Variants in PRH1 observed in about 807,000 individuals in gnomAD.
The protein encoded by PRH1 is proline rich protein HaeIII subfamily 1.
Under a neutral mutation model 7.9 loss-of-function variants are expected in PRH1, and 7 were observed. The observed-to-expected ratio is 0.89, with a 90% CI of 0.50 to 1.67. The LOEUF (loss-of-function observed/expected upper bound fraction) is 1.67, where lower values mean the gene tolerates loss of function less well. Among genes scored for constraint, PRH1 ranks in the 40% most tolerant of loss-of-function variants. The pLI is 0.00. For missense variants in PRH1, 109 were observed against 223.6 expected (o/e 0.49, Z 3.27); for synonymous variants, 45 against 80.8 (o/e 0.56, Z 2.38).
chr12:11,058,348 T>C (rs938090729), intron 1 of PRH1, among the ~76,000 whole-genome samples: 5 of 135,242 alleles, frequency 3.7e-5, no homozygotes, highest in Non-Finnish European at 8.3e-5. Flanking sequence ...AAGAGATATG[T>C]GAAGATTCAG....
chr12:11,134,747 G>A (rs533507407), intron 1 of PRH1: 1 of 153,876 alleles, frequency 6.5e-6, no homozygotes, highest in East Asian at 1.9e-4. Context: ...CACCAATACG[G>A]ACTTTTTTAA....
intron 1 of PRH1, among the ~76,000 whole-genome samples, chr12:11,073,127 T>TCTTC (rs1944150337): frequency 8.7e-6 from 1 of 114,886 alleles, no homozygotes. Context: ...AAAATCCATT[T>TCTTC]ATTTATTTAT....
Position 11,098,041 on chromosome 12 carries a change from A to AT in PRH1, n.124-50854dup, listed in dbSNP as rs1179439921. 1.6e-4 allele frequency among the ~76,000 whole-genome samples: 12 copies of AT among 77,032 alleles called. No homozygotes were observed. The East Asian group carries it at 2.4e-3, about 16-fold the overall frequency. 50.5% of individuals were successfully genotyped at this position (77,032 alleles called of 152,430 possible). Reference sequence around the variant, plus strand: ...CCAACAATTAGGATTCTATTTTGGGATTTTTTTTGGCATTTTTGAACACTA... The same window carrying AT: ...CCAACAATTAGGATTCTATTTTGGGATTTTTTTTTGGCATTTTTGAACACTA... On this transcript the variant is annotated intron_variant and non_coding_transcript_variant, in intron 1 of 4. Coordinates refer to the PRH1 transcript ENST00000541977.
intron 2 of PRH1, among the ~76,000 whole-genome samples, chr12:10,936,047 G>A (rs1950282855): frequency 6.6e-6 from 1 of 151,840 alleles, no homozygotes; most frequent in Admixed American, 6.6e-5. Context: ...AATTTTCATG[G>A]GGCATTCGAT....
chr12:10,968,130 G>T (rs1409183546), intron 2 of PRH1, among the ~76,000 whole-genome samples: 1 of 152,010 alleles, frequency 6.6e-6, no homozygotes, highest in African/African-American at 2.4e-5. Flanking sequence ...ATAATAGATT[G>T]ATCATGAAAT....
At chr12:11,114,998 C>A (rs1038646571) in intron 1 of PRH1, among the ~76,000 whole-genome samples, 1 of 152,042 alleles carries the variant, frequency 6.6e-6, no homozygotes, top group African/African-American at 2.4e-5. Context: ...GAGCAGACCA[C>A]AACATAACCA....
intron 1 of PRH1, chr12:11,171,073 A>AT: frequency 2.7e-6 from 1 of 363,676 alleles, no homozygotes; most frequent in Non-Finnish European, 4.9e-6. Flanking sequence ...ATCTGCATGG[A>AT]TGTTCGTACA....
intron 1 of PRH1, among the ~76,000 whole-genome samples, chr12:10,983,952 C>A (rs1939483037): frequency 6.6e-6 from 1 of 152,116 alleles, no homozygotes. Context: ...GGCTAAGATA[C>A]TCGTTTAGTG....
intron 1 of PRH1, among the ~76,000 whole-genome samples, chr12:11,064,952 G>T (rs761033075): frequency 1.3e-5 from 2 of 151,924 alleles, no homozygotes; most frequent in Admixed American, 1.3e-4. Flanking sequence ...TGGGAGGATG[G>T]TTTGATCCCG....
intron 1 of PRH1, among the ~76,000 whole-genome samples, chr12:11,059,728 C>T (rs1346636844): frequency 6.9e-6 from 1 of 144,664 alleles, no homozygotes; most frequent in African/African-American, 2.5e-5. Context: ...AACTTTTCCT[C>T]TGCGGAAGGA....
chr12:11,104,181 T>TAAA (rs760838136), intron 1 of PRH1, among the ~76,000 whole-genome samples: 25 of 49,560 alleles, frequency 5.0e-4, no homozygotes, highest in Admixed American at 2.9e-3. Context: ...AATGAAAGAG[T>TAAA]AAAAAAAAAA....
intron 2 of PRH1, among the ~76,000 whole-genome samples, chr12:10,962,098 A>G (rs763929672): frequency 6.6e-6 from 1 of 152,176 alleles, no homozygotes; most frequent in Non-Finnish European, 1.5e-5. Flanking sequence ...CTTTAATATC[A>G]GACACTGGCT....
intron 1 of PRH1, among the ~76,000 whole-genome samples, chr12:11,142,149 C>G (rs1255665858): frequency 3.3e-5 from 5 of 151,942 alleles, no homozygotes; most frequent in Non-Finnish European, 7.4e-5. Flanking sequence ...ACATCCGTCT[C>G]CAACAACTAG....
rs184383114 is a variant in PRH1 at position 11,138,338 on chromosome 12, C to T, written n.40-17158G>A. 2.0e-5 allele frequency among the ~76,000 whole-genome samples: 3 copies of T among 152,210 alleles called. No individual in the cohort carries two copies. In the East Asian group the frequency reaches 5.8e-4, roughly 29 times the overall value. The stretch of plus-strand genomic sequence containing the variant: ...GTAGCATTATATATGCACAAACATA[C>T]TCAAAGATCATGCTAAATATGTTTT... On this transcript the variant is annotated intron_variant and non_coding_transcript_variant, in intron 1 of 1. Transcript: ENST00000541175.
chr12:10,910,937 AT>A (rs1949890601), intron 2 of PRH1, among the ~76,000 whole-genome samples: 1 of 152,162 alleles, frequency 6.6e-6, no homozygotes, highest in Non-Finnish European at 1.5e-5. Context: ...ATCTTTAATG[AT>A]TTGCAAGTTT....
chr12:11,096,662 C>T (rs1438746584), intron 1 of PRH1, among the ~76,000 whole-genome samples: 1 of 115,520 alleles, frequency 8.7e-6, no homozygotes, highest in African/African-American at 2.9e-5. Flanking sequence ...TGGGTCATCA[C>T]CACAAACTCT....
intron 2 of PRH1, among the ~76,000 whole-genome samples, chr12:10,890,349 C>T (rs1949552686): frequency 6.6e-6 from 1 of 151,932 alleles, no homozygotes; most frequent in Non-Finnish European, 1.5e-5. Flanking sequence ...TCGAATGGGT[C>T]CAAAGGGCCC....
chr12:11,167,900 C>T (rs908340978), intron 1 of PRH1, among the ~76,000 whole-genome samples: 2 of 150,334 alleles, frequency 1.3e-5, no homozygotes, highest in Non-Finnish European at 3.0e-5. Flanking sequence ...TAAATGCATG[C>T]TATATCATAT....
intron 1 of PRH1, among the ~76,000 whole-genome samples, chr12:11,123,571 G>A (rs961405990): frequency 6.6e-6 from 1 of 151,992 alleles, no homozygotes; most frequent in African/African-American, 2.4e-5. Context: ...TAATTTTATT[G>A]CTTCTTGCAT....
Sources: gnomAD v4.1 joint callset for allele counts (sites outside exome capture counted in the v4.1 genomes callset) on GRCh38, gnomAD v4.1.1 for gene constraint, MANE v1.5 for transcripts, NCBI Gene and HGNC (gene_info 2026-07-23, HGNC 2026-07-21) for gene names.